The following ARMH3 variants were observed in gnomAD, a reference collection of about 807,000 sequenced individuals.
The protein encoded by ARMH3 is armadillo-like helical domain-containing protein 3.
A neutral mutation model predicts 99.1 loss-of-function variants in ARMH3; 60 were observed. The observed-to-expected ratio is 0.61, with a 90% CI of 0.49 to 0.75. The LOEUF (loss-of-function observed/expected upper bound fraction) is 0.75. Among genes scored for constraint, ARMH3 ranks in the 30% least tolerant of loss-of-function variants. The pLI, the probability that ARMH3 is intolerant of heterozygous loss-of-function variation, is 0.00. For missense variants in ARMH3, 679 were observed against 843.1 expected, an observed-to-expected ratio of 0.81 and a Z score of 2.41; for synonymous variants, 285 against 292.8, an observed-to-expected ratio of 0.97 and a Z score of 0.27.
At chr10:101,990,402 A>G in intron 19 of ARMH3, 149 bp downstream of exon 19, 1 of 541,282 alleles carries the variant, frequency 1.8e-6, no homozygotes, top group Non-Finnish European at 3.3e-6. Flanking sequence ...CGATCTCCTG[A>G]CCTTGTGATC....
At chr10:101,980,259 G>T (rs1846168769) in intron 19 of ARMH3, among the ~76,000 whole-genome samples, 1 of 152,082 alleles carries the variant, frequency 6.6e-6, no homozygotes, top group Non-Finnish European at 1.5e-5. Context: ...CTAGTTTCAG[G>T]TAAATGAAAC....
chr10:101,975,346 T>C (rs1183942544), intron 19 of ARMH3, 46 bp from the exon 20 acceptor site: 1 of 1,466,648 alleles, frequency 6.8e-7, no homozygotes, highest in Non-Finnish European at 9.5e-7. Flanking sequence ...GAGAATATAG[T>C]GCAACTCACC....
intron 24 of ARMH3, among the ~76,000 whole-genome samples, chr10:101,882,552 T>C (rs1285561585): frequency 6.6e-6 from 1 of 152,156 alleles, no homozygotes; most frequent in African/African-American, 2.4e-5. Context: ...CAGGCTGGAG[T>C]GCAGTGGCAC....
At chr10:101,896,626 T>C (rs985935867) in intron 23 of ARMH3, among the ~76,000 whole-genome samples, 2 of 152,232 alleles carry the variant, frequency 1.3e-5, no homozygotes, top group African/African-American at 4.8e-5. Context: ...AGCAAGCTGC[T>C]TTCTCCAACC....
At chr10:102,029,911 G>A (rs1422839831) in intron 4 of ARMH3, among the ~76,000 whole-genome samples, 166 bp from the exon 5 acceptor site, 2 of 151,300 alleles carry the variant, frequency 1.3e-5, no homozygotes, top group East Asian at 1.9e-4. Context: ...CGTTTGGTTC[G>A]GTTTTTTTGT....
intron 23 of ARMH3, among the ~76,000 whole-genome samples, chr10:101,916,698 C>T (rs1440382608): frequency 6.6e-6 from 1 of 152,128 alleles, no homozygotes; most frequent in Non-Finnish European, 1.5e-5. Context: ...AGTGTGTTGA[C>T]AGGGGTATTT....
intron 20 of ARMH3, among the ~76,000 whole-genome samples, chr10:101,963,103 G>A (rs1034114528): frequency 1.3e-5 from 2 of 150,402 alleles, no homozygotes; most frequent in Non-Finnish European, 3.0e-5. Flanking sequence ...CCAAGTAGCT[G>A]GGATTACAGG....
At chr10:101,924,619 T>G (rs1843436500) in intron 23 of ARMH3, among the ~76,000 whole-genome samples, 1 of 151,670 alleles carries the variant, frequency 6.6e-6, no homozygotes, top group African/African-American at 2.4e-5. Flanking sequence ...CCTCCCAAAG[T>G]GTTGGGATTA....
rs754100296 is a variant in ARMH3, at chr10:102,040,084, G to T, written c.31C>A (p.Leu11Ile). MAQVEKRGGL[L>I]RKSSASKKPL... Reference sequence around the variant, plus strand: ...TTTTTGGAGGCTGAAGATTTCCGGAGCAAACCTCCACGTTTCTCTACCTGT... The same window carrying T: ...TTTTTGGAGGCTGAAGATTTCCGGATCAAACCTCCACGTTTCTCTACCTGT... Residue 11 changes from leucine (L) to isoleucine (I), a missense_variant, in exon 2 of 26, where the codon CTC becomes ATC. Physicochemically the swap from Leu to Ile is conservative, Grantham distance 5. This residue lies in a region of ARMH3 where 280 missense variants were observed against 354.6 expected (regional missense o/e 0.79). Transcript: ENST00000370033. 1 of 1,614,166 alleles carries T rather than the reference G, an allele frequency of 6.2e-7. No individual in the cohort carries two copies.
At chr10:101,954,704 T>C (rs568373449) in intron 22 of ARMH3, among the ~76,000 whole-genome samples, 1 of 152,262 alleles carries the variant, frequency 6.6e-6, no homozygotes, top group Admixed American at 6.5e-5. Flanking sequence ...CTCAAAAAGG[T>C]TAATAAAAAA....
At chr10:102,002,159 A>C in intron 14 of ARMH3, 87 bp from the exon 15 acceptor site, 1 of 1,560,594 alleles carries the variant, frequency 6.4e-7, no homozygotes. Context: ...CAGCAGGCAA[A>C]AAAATCACTA....
At chr10:101,910,181 T>C (rs1029284769) in intron 23 of ARMH3, among the ~76,000 whole-genome samples, 3 of 152,182 alleles carry the variant, frequency 2.0e-5, no homozygotes, top group African/African-American at 7.2e-5. Flanking sequence ...ATGCTGTCTC[T>C]AACCATCTGC....
At chr10:101,939,326 T>C (rs547347070) in intron 23 of ARMH3, among the ~76,000 whole-genome samples, 6 of 152,322 alleles carry the variant, frequency 3.9e-5, no homozygotes, top group African/African-American at 1.2e-4. Context: ...GCATGGGTGG[T>C]GCCTCCTCAA....
intron 23 of ARMH3, among the ~76,000 whole-genome samples, chr10:101,895,429 G>A (rs947154530): frequency 1.9e-4 from 29 of 152,048 alleles, no homozygotes; most frequent in African/African-American, 3.6e-4. Context: ...ACAGGCGCCC[G>A]CCACCACGCC....
At chr10:102,009,473 GA>G in intron 12 of ARMH3, 24 bp from the exon 13 acceptor site, 3 of 1,598,678 alleles carry the variant, frequency 1.9e-6, no homozygotes, top group Non-Finnish European at 2.6e-6. Context: ...GAACAAATTG[GA>G]GCAGTTTTTA....
At chr10:101,970,858 C>G (rs1292138468) in intron 20 of ARMH3, among the ~76,000 whole-genome samples, 1 of 151,604 alleles carries the variant, frequency 6.6e-6, no homozygotes, top group African/African-American at 2.4e-5. Context: ...GGAGATGTAA[C>G]AATGATTAAA....
intron 23 of ARMH3, among the ~76,000 whole-genome samples, chr10:101,918,604 G>A (rs1204798796): frequency 6.6e-6 from 1 of 152,178 alleles, no homozygotes; most frequent in Non-Finnish European, 1.5e-5. Flanking sequence ...AGAATAAAAT[G>A]TCAGCATAAT....
intron 5 of ARMH3, among the ~76,000 whole-genome samples, chr10:102,025,743 G>A (rs537558915): frequency 1.3e-5 from 2 of 152,232 alleles, no homozygotes; most frequent in African/African-American, 4.8e-5. Flanking sequence ...TCAAACTGCT[G>A]GGATCAAGTC....
intron 15 of ARMH3, among the ~76,000 whole-genome samples, chr10:101,996,471 A>G (rs949144694): frequency 3.3e-5 from 5 of 152,180 alleles, no homozygotes; most frequent in African/African-American, 1.2e-4. Context: ...AGTAATGGTG[A>G]CAATCCCTAT....
Sources: gnomAD v4.1 joint callset for allele counts (sites outside exome capture counted in the v4.1 genomes callset) on GRCh38, gnomAD v4.1.1 for gene constraint, gnomAD v4.1.1 regional missense constraint, MANE v1.5 for transcripts, NCBI Gene and HGNC (gene_info 2026-07-23, HGNC 2026-07-21) for gene names.